The following LRBA variants were observed in gnomAD, a reference collection of about 807,000 sequenced individuals.
LRBA encodes LPS responsive beige-like anchor protein, also known as lipopolysaccharide-responsive and beige-like anchor protein.
Under a neutral mutation model 330.0 loss-of-function variants are expected in LRBA, and 176 were observed. That is an observed-to-expected ratio of 0.53 (90% CI 0.47 to 0.60). LRBA has a LOEUF of 0.60. LRBA is among the 20% of genes least tolerant of loss of function. The pLI is 0.00. For synonymous variants in LRBA, 1,230 were observed against 1,193.0 expected, an observed-to-expected ratio of 1.03 and a Z score of -0.64; for missense variants, 3,259 against 3,444.8, an observed-to-expected ratio of 0.95 and a Z score of 1.35.
intron 35 of LRBA, among the ~76,000 whole-genome samples, chr4:150,758,340 C>G (rs1734592021): frequency 6.6e-6 from 1 of 152,122 alleles, no homozygotes; most frequent in Admixed American, 6.6e-5. Flanking sequence ...AATGATAATG[C>G]AAAACAAAGG....
chr4:150,488,160 C>T (rs999175915), intron 41 of LRBA, among the ~76,000 whole-genome samples: 1 of 151,478 alleles, frequency 6.6e-6, no homozygotes, highest in Non-Finnish European at 1.5e-5. Flanking sequence ...GATAATGTGA[C>T]ATGAAGCTGC....
At chr4:150,934,779 C>G (rs1159570074) in intron 2 of LRBA, among the ~76,000 whole-genome samples, 1 of 151,934 alleles carries the variant, frequency 6.6e-6, no homozygotes, top group Non-Finnish European at 1.5e-5. Context: ...GAGGCCGAGG[C>G]GGGCAAATTA....
chr4:150,440,323 A>G (rs553356906), intron 44 of LRBA, among the ~76,000 whole-genome samples: 132 of 152,312 alleles, frequency 8.7e-4, no homozygotes, highest in African/African-American at 3.0e-3. Context: ...TAAACACTAC[A>G]AAAAGCTAAC....
chr4:150,442,123 T>A (rs1318203574), intron 44 of LRBA, among the ~76,000 whole-genome samples: 2 of 152,092 alleles, frequency 1.3e-5, no homozygotes, highest in African/African-American at 4.8e-5. Context: ...TGGCAAGAAA[T>A]CTCAGATTTT....
chr4:150,830,029 C>T (rs1232854660), intron 29 of LRBA, among the ~76,000 whole-genome samples: 3 of 152,152 alleles, frequency 2.0e-5, no homozygotes, highest in Non-Finnish European at 4.4e-5. Flanking sequence ...GACTGCCTCT[C>T]ACCATCTCTA....
At chr4:150,533,996 C>T (rs962722486) in intron 40 of LRBA, among the ~76,000 whole-genome samples, 13 of 152,138 alleles carry the variant, frequency 8.5e-5, no homozygotes, top group Non-Finnish European at 1.8e-4. Context: ...CATCAAGTAT[C>T]TCTACCCCAG....
intron 33 of LRBA, among the ~76,000 whole-genome samples, chr4:150,799,317 C>T (rs1173165457): frequency 6.6e-6 from 1 of 152,152 alleles, no homozygotes; most frequent in Non-Finnish European, 1.5e-5. Context: ...TTATTAACTA[C>T]AGTGTGATTT....
intron 36 of LRBA, among the ~76,000 whole-genome samples, chr4:150,723,615 G>A (rs947314846): frequency 6.6e-6 from 1 of 152,162 alleles, no homozygotes; most frequent in East Asian, 1.9e-4. Context: ...CTTCAGGGGT[G>A]ACCCAGCATA....
chr4:150,864,371 ACT>A (rs1437592825), intron 22 of LRBA, among the ~76,000 whole-genome samples: 2 of 152,146 alleles, frequency 1.3e-5, no homozygotes, highest in African/African-American at 4.8e-5. Flanking sequence ...AAAATAATAA[ACT>A]CAATATATAA....
chr4:150,920,306 C>T (rs569192176), intron 5 of LRBA, among the ~76,000 whole-genome samples: 4 of 152,058 alleles, frequency 2.6e-5, no homozygotes, highest in Admixed American at 6.6e-5. Context: ...CCCAGCACTT[C>T]GGGAGGCTGA....
intron 40 of LRBA, among the ~76,000 whole-genome samples, chr4:150,538,070 CA>C (rs1161900248): frequency 3.3e-5 from 5 of 152,132 alleles, no homozygotes; most frequent in African/African-American, 7.2e-5. Flanking sequence ...AAATTCAATT[CA>C]AAACCACAAT....
chr4:150,748,501 T>C (rs139439632), intron 35 of LRBA, among the ~76,000 whole-genome samples: 2,162 of 152,128 alleles, frequency 0.014, 57 homozygotes, highest in African/African-American at 0.048. Flanking sequence ...ACCCCGTCTC[T>C]ACTAAAACTA....
At chr4:150,818,981 A>C (rs924054271) in intron 30 of LRBA, among the ~76,000 whole-genome samples, 1 of 152,076 alleles carries the variant, frequency 6.6e-6, no homozygotes, top group African/African-American at 2.4e-5. Flanking sequence ...TTTATTTATA[A>C]TAGTCAAAAA....
intron 47 of LRBA, among the ~76,000 whole-genome samples, chr4:150,362,260 A>T (rs1738821558): frequency 6.6e-6 from 1 of 152,002 alleles, no homozygotes; most frequent in Non-Finnish European, 1.5e-5. Flanking sequence ...TCTCCCTACA[A>T]AATTTTATCA....
At chr4:150,874,533 G>A (rs537792983) in intron 17 of LRBA, among the ~76,000 whole-genome samples, 10 of 152,328 alleles carry the variant, frequency 6.6e-5, no homozygotes, top group Non-Finnish European at 1.5e-4. Context: ...TGGGAGGAAA[G>A]CTGCTACAGC....
intron 17 of LRBA, among the ~76,000 whole-genome samples, chr4:150,885,043 G>C (rs1024342196): frequency 2.6e-5 from 4 of 151,828 alleles, no homozygotes; most frequent in African/African-American, 9.7e-5. Flanking sequence ...CATTCAACAG[G>C]AGACTCAGAT....
At chr4:150,674,227 AAAG>A (rs1189595763) in intron 37 of LRBA, among the ~76,000 whole-genome samples, 1 of 151,762 alleles carries the variant, frequency 6.6e-6, no homozygotes, top group Non-Finnish European at 1.5e-5. Flanking sequence ...AAAACAGGCT[AAAG>A]AAGTAAAGGT....
intron 44 of LRBA, among the ~76,000 whole-genome samples, chr4:150,450,156 G>T (rs1392486216): frequency 6.6e-6 from 1 of 152,092 alleles, no homozygotes; most frequent in East Asian, 1.9e-4. Context: ...AGAAAAAGTA[G>T]ATTTCAGAAC....
At chr4:150,998,223 C>T (rs1254069481) in intron 2 of LRBA, among the ~76,000 whole-genome samples, 2 of 151,560 alleles carry the variant, frequency 1.3e-5, no homozygotes, top group Middle Eastern at 3.4e-3. Flanking sequence ...CTTGGTGGTG[C>T]ATGACTGTAA....
Sources: gnomAD v4.1 joint callset for allele counts (sites outside exome capture counted in the v4.1 genomes callset) on GRCh38, gnomAD v4.1.1 for gene constraint, MANE v1.5 for transcripts, NCBI Gene and HGNC (gene_info 2026-07-23, HGNC 2026-07-21) for gene names.